The following VPS53 variants were observed in gnomAD, a reference collection of about 807,000 sequenced individuals.
VPS53 encodes the protein VPS53 subunit of GARP complex.
VPS53 carries 70 observed loss-of-function variants against 107.0 expected under a neutral mutation model. The observed-to-expected ratio is 0.65, with a 90% confidence interval of 0.54 to 0.80. The LOEUF is 0.80. Ranked by LOEUF, VPS53 falls within the 30% of genes least tolerant of loss-of-function variation. VPS53 has a pLI of 0.00. For missense variants in VPS53, 917 were observed against 1,049.4 expected, an observed-to-expected ratio of 0.87 and a Z score of 1.74; for synonymous variants, 409 against 393.3, an observed-to-expected ratio of 1.04 and a Z score of -0.47.
intron 6 of VPS53, among the ~76,000 whole-genome samples, chr17:654,630 G>A (rs1270064956): frequency 2.6e-5 from 4 of 151,188 alleles, no homozygotes; most frequent in African/African-American, 7.3e-5. Flanking sequence ...CCAGCTACTC[G>A]GGAGGCTGAG....
intron 12 of VPS53, among the ~76,000 whole-genome samples, chr17:589,276 G>A (rs1967506761): frequency 6.6e-6 from 1 of 151,512 alleles, no homozygotes; most frequent in Non-Finnish European, 1.5e-5. Flanking sequence ...TAATTTATGT[G>A]TACTTTCCCA....
intron 19 of VPS53, among the ~76,000 whole-genome samples, chr17:530,586 T>C (rs1909463632): frequency 6.6e-6 from 1 of 152,232 alleles, no homozygotes; most frequent in Admixed American, 6.5e-5. Context: ...TTTAAAAATA[T>C]TGTATTTTTT....
chr17:528,096 G>T (rs1909255992), intron 19 of VPS53, among the ~76,000 whole-genome samples: 1 of 152,132 alleles, frequency 6.6e-6, no homozygotes, highest in Non-Finnish European at 1.5e-5. Flanking sequence ...TTCTAAAAAT[G>T]GAGATATAAT....
intron 2 of VPS53, among the ~76,000 whole-genome samples, chr17:706,791 A>G (rs919931192): frequency 1.3e-5 from 2 of 152,224 alleles, no homozygotes; most frequent in African/African-American, 4.8e-5. Flanking sequence ...ACCAAACTGC[A>G]TGACTTTGGT....
At chr17:533,497 C>G (rs1457126308) in intron 18 of VPS53, among the ~76,000 whole-genome samples, 2 of 152,172 alleles carry the variant, frequency 1.3e-5, no homozygotes, top group Non-Finnish European at 1.5e-5. Context: ...CTTGCAGATC[C>G]CAGGATTCTG....
At chr17:567,781 T>C (rs1203493342) in intron 13 of VPS53, among the ~76,000 whole-genome samples, 1 of 151,076 alleles carries the variant, frequency 6.6e-6, no homozygotes, top group Non-Finnish European at 1.5e-5. Context: ...TACAGTTACT[T>C]GGGAGGCTGA....
At chr17:548,607 G>A (rs979368122) in intron 17 of VPS53, among the ~76,000 whole-genome samples, 2 of 131,392 alleles carry the variant, frequency 1.5e-5, no homozygotes, top group African/African-American at 2.9e-5. Context: ...CTCCACTTTG[G>A]CCAGCCAACA....
intron 4 of VPS53, among the ~76,000 whole-genome samples, chr17:696,890 T>G (rs1972989169): frequency 6.6e-6 from 1 of 151,094 alleles, no homozygotes; most frequent in Admixed American, 6.6e-5. Flanking sequence ...GCTCCTGGGT[T>G]CAAGTGACTC....
chr17:577,254 T>C (rs1914702604), intron 13 of VPS53, among the ~76,000 whole-genome samples: 1 of 142,838 alleles, frequency 7.0e-6, no homozygotes, highest in African/African-American at 2.7e-5. Flanking sequence ...AGAACCTCTG[T>C]CAGAACTCAG....
intron 11 of VPS53, among the ~76,000 whole-genome samples, chr17:612,108 A>C (rs940060730): frequency 6.6e-6 from 1 of 152,162 alleles, no homozygotes; most frequent in African/African-American, 2.4e-5. Context: ...GAAAACCTGT[A>C]CAGATACTCA....
At chr17:558,835 A>AAAT (rs1469979947) in intron 15 of VPS53, among the ~76,000 whole-genome samples, 29 of 151,412 alleles carry the variant, frequency 1.9e-4, no homozygotes, top group Non-Finnish European at 3.4e-4. Context: ...AAAAAAAAAA[A>AAAT]AATACAAAAA....
intron 11 of VPS53, 23 bp downstream of exon 11, chr17:623,510 C>T (rs1969558080): frequency 1.3e-6 from 2 of 1,597,380 alleles, no homozygotes; most frequent in Non-Finnish European, 8.6e-7. Flanking sequence ...TTTCACGTGG[C>T]AGCTCCCTAG....
chr17:543,592 A>G (rs1910874675), intron 17 of VPS53, among the ~76,000 whole-genome samples: 1 of 151,692 alleles, frequency 6.6e-6, no homozygotes, highest in Non-Finnish European at 1.5e-5. Context: ...ACGGCTCTCT[A>G]TCCTACGTAC....
chr17:673,702 T>A (rs888303169), intron 4 of VPS53: 1 of 152,252 alleles, frequency 6.6e-6, no homozygotes, highest in Admixed American at 6.5e-5. Flanking sequence ...ACCTGGAGTA[T>A]AAGAAGGCTT....
rs1425157986 is a variant in VPS53 at position 664,878 on chromosome 17, G to C, written c.286-2983C>G. On this transcript the variant is annotated intron_variant, in intron 4 of 21. Coordinates refer to ENST00000437048, the MANE Select transcript of VPS53 (RefSeq NM_001128159.3). ...GAGGGAGAACCAAGGATGACGCCCG[G>C]GTTTTGGTTGAAAAGCCAAGGCCAG... is the stretch of plus-strand genomic sequence containing the variant. Among the ~76,000 whole-genome samples the C allele has an allele frequency of 7.9e-5, 12 of 152,254 alleles. No homozygotes were observed. The South Asian group carries it at 2.3e-3, about 29-fold the overall frequency.
At chr17:561,901 G>A (rs1402731549) in intron 14 of VPS53, among the ~76,000 whole-genome samples, 1 of 152,076 alleles carries the variant, frequency 6.6e-6, no homozygotes. Flanking sequence ...CAATCCTACC[G>A]CATCTTCAAA....
intron 14 of VPS53, among the ~76,000 whole-genome samples, chr17:561,870 T>G (rs1913032270): frequency 6.6e-6 from 1 of 152,204 alleles, no homozygotes; most frequent in African/African-American, 2.4e-5. Context: ...CCTCAAGTGA[T>G]CCTCCTGCCT....
At position 667,783 on chromosome 17, in the gene VPS53, TG is replaced by T. The variant is rs1226315818; in HGVS notation, c.286-5889del. ...CACCAGTCCGTGGCCTGTTGGGAAC[TG>T]GGCCGCACAGCAGGAGGTGAGCGGT... On this transcript the variant is annotated intron_variant, in intron 4 of 21. Transcript: ENST00000437048. Among the ~76,000 whole-genome samples the T allele has an allele frequency of 3.9e-5, 6 of 152,168 alleles. No individual in the cohort carries two copies. The East Asian group carries it at 1.2e-3, about 30-fold the overall frequency.
intron 4 of VPS53, among the ~76,000 whole-genome samples, chr17:662,566 G>A (rs1278188234): frequency 6.6e-6 from 1 of 151,996 alleles, no homozygotes; most frequent in Non-Finnish European, 1.5e-5. Context: ...GCACGCACCT[G>A]TAGTCCCAGC....
Sources: allele counts gnomAD v4.1 joint callset (sites outside exome capture counted in the v4.1 genomes callset), GRCh38; gene constraint gnomAD v4.1.1; transcripts MANE v1.5; gene names NCBI Gene and HGNC (gene_info 2026-07-23, HGNC 2026-07-21).